The following ADGRF5 variants were observed in gnomAD, a reference collection of about 807,000 sequenced individuals.
The protein encoded by ADGRF5 is G-protein coupled receptor 116.
A neutral mutation model predicts 132.3 loss-of-function variants in ADGRF5; 75 were observed. The observed-to-expected ratio is 0.57, with a 90% CI of 0.47 to 0.69. ADGRF5 has a LOEUF of 0.69. Ranked by LOEUF, ADGRF5 falls within the 30% of genes least tolerant of loss-of-function variation. ADGRF5 has a pLI of 0.00. For synonymous variants in ADGRF5, 629 were observed against 597.6 expected (o/e 1.05, Z -0.77); for missense variants, 1,516 against 1,630.6 (o/e 0.93, Z 1.21).
intron 3 of ADGRF5, among the ~76,000 whole-genome samples, chr6:46,891,122 G>A (rs1010916252): frequency 2.0e-5 from 3 of 152,194 alleles, no homozygotes; most frequent in Non-Finnish European, 4.4e-5. Context: ...AATTAAGAGT[G>A]AATATTAAGG....
At chr6:46,855,812 G>A (rs566197420) in intron 20 of ADGRF5, among the ~76,000 whole-genome samples, 162 bp downstream of exon 20, 29 of 152,164 alleles carry the variant, frequency 1.9e-4, no homozygotes, top group South Asian at 1.0e-3. Context: ...CCCACTTTTT[G>A]GTGATTTGTG....
chr6:46,935,380 T>A (rs918770119), intron 1 of ADGRF5, among the ~76,000 whole-genome samples: 4 of 152,176 alleles, frequency 2.6e-5, no homozygotes, highest in Non-Finnish European at 4.4e-5. Context: ...CCTTGTTGCC[T>A]GCACTTGAGG....
chr6:46,875,537 C>A (rs1378718545), intron 10 of ADGRF5, among the ~76,000 whole-genome samples: 1 of 152,090 alleles, frequency 6.6e-6, no homozygotes, highest in Non-Finnish European at 1.5e-5. Flanking sequence ...GTAATCCCAG[C>A]ACTTTGGGAG....
chr6:46,944,198 G>A (rs9296516), intron 1 of ADGRF5, among the ~76,000 whole-genome samples: 21,573 of 152,156 alleles, frequency 0.14, 1,786 homozygotes, highest in Admixed American at 0.22. Flanking sequence ...GGATAAAACC[G>A]TTCAGATCAT....
intron 11 of ADGRF5, chr6:46,870,938 T>C (rs964421216): frequency 1.5e-5 from 5 of 328,164 alleles, no homozygotes; most frequent in African/African-American, 8.9e-5. Flanking sequence ...AAACTAGGAA[T>C]GCAAAACTGT....
At chr6:46,950,819 G>A (rs1778470780) in intron 1 of ADGRF5, among the ~76,000 whole-genome samples, 1 of 152,136 alleles carries the variant, frequency 6.6e-6, no homozygotes, top group Non-Finnish European at 1.5e-5. Flanking sequence ...GGCTGACTTG[G>A]TGTTTTTTTA....
chr6:46,948,639 G>A (rs1778387103), intron 1 of ADGRF5, among the ~76,000 whole-genome samples: 2 of 152,122 alleles, frequency 1.3e-5, no homozygotes, highest in South Asian at 4.1e-4. Flanking sequence ...GCTGTCTCAG[G>A]TCTAGACCAG....
intron 4 of ADGRF5, among the ~76,000 whole-genome samples, chr6:46,885,030 T>C (rs1772905128): frequency 6.6e-6 from 1 of 152,110 alleles, no homozygotes; most frequent in East Asian, 1.9e-4. Flanking sequence ...TGCAAAACCC[T>C]ATCCTACAAA....
At chr6:46,919,480 A>AAGG (rs1776709759) in intron 1 of ADGRF5, among the ~76,000 whole-genome samples, 1 of 152,200 alleles carries the variant, frequency 6.6e-6, no homozygotes, top group Non-Finnish European at 1.5e-5. Context: ...TTAGGAGGAG[A>AAGG]CAGATTAGCC....
At chr6:46,925,390 A>G (rs965360717), upstream of ADGRF5, among the ~76,000 whole-genome samples, 4 of 152,108 alleles carry the variant, frequency 2.6e-5, no homozygotes, top group Non-Finnish European at 4.4e-5. Context: ...TTAGTTTTCC[A>G]TATCATCTCT....
intron 1 of ADGRF5, among the ~76,000 whole-genome samples, chr6:46,937,779 A>G (rs1276372842): frequency 1.3e-5 from 2 of 152,192 alleles, no homozygotes; most frequent in Non-Finnish European, 2.9e-5. Flanking sequence ...TGCAATACAT[A>G]TCTTGACAGT....
At chr6:46,937,221 A>AGTGTGTGTGT (rs10558166) in intron 1 of ADGRF5, among the ~76,000 whole-genome samples, 6,216 of 146,724 alleles carry the variant, frequency 0.042, 186 homozygotes, top group African/African-American at 0.076. Context: ...GGCAATAAGG[A>AGTGTGTGTGT]GTGTGTGTGT....
Position 46,945,418 on chromosome 6 carries a change from T to C in ADGRF5, c.-25+9316A>G, listed in dbSNP as rs115308088. Reference sequence around the variant, plus strand: ...AAGAGATAAATCACTTAAGTGACACTTTTGCGTTCCTAACTCTACATGAAA... The same window carrying C: ...AAGAGATAAATCACTTAAGTGACACCTTTGCGTTCCTAACTCTACATGAAA... On this transcript the variant is annotated intron_variant, in intron 1 of 20. Coordinates refer to the ADGRF5 transcript ENST00000265417. 8.6e-3 allele frequency among the ~76,000 whole-genome samples: 1,311 copies of C among 152,314 alleles called. 24 individuals carry two copies. Among genetic ancestry groups the C allele is most frequent in the African/African-American group, 0.029 (1,187 of 41,568 alleles).
intron 16 of ADGRF5, among the ~76,000 whole-genome samples, chr6:46,859,963 T>C (rs1312932058): frequency 1.3e-5 from 2 of 152,098 alleles, no homozygotes; most frequent in Non-Finnish European, 2.9e-5. Flanking sequence ...ATGCCTGTAA[T>C]CCCAGCTACT....
chr6:46,921,098 C>T (rs558088505), intron 1 of ADGRF5, among the ~76,000 whole-genome samples: 9 of 152,208 alleles, frequency 5.9e-5, no homozygotes, highest in Admixed American at 1.3e-4. Flanking sequence ...AACAAGTCGG[C>T]CTGGCCCTGA....
intron 1 of ADGRF5, among the ~76,000 whole-genome samples, chr6:46,930,098 G>A (rs113338651): frequency 2.3e-3 from 347 of 151,942 alleles, no homozygotes; most frequent in African/African-American, 7.8e-3. Context: ...TGGGATTACA[G>A]GCGTGAGCCA....
At chr6:46,911,832 C>T (rs899426813) in intron 1 of ADGRF5, among the ~76,000 whole-genome samples, 3 of 152,070 alleles carry the variant, frequency 2.0e-5, no homozygotes, top group African/African-American at 4.8e-5. Context: ...ACAACGGTCC[C>T]TGTCTCCATG....
chr6:46,864,804 G>A (rs1303566816), intron 14 of ADGRF5, among the ~76,000 whole-genome samples: 1 of 152,140 alleles, frequency 6.6e-6, no homozygotes, highest in Non-Finnish European at 1.5e-5. Flanking sequence ...GATTATAGGC[G>A]TGAGCCACCG....
intron 1 of ADGRF5, among the ~76,000 whole-genome samples, chr6:46,952,916 G>C (rs1778554530): frequency 6.6e-6 from 1 of 152,210 alleles, no homozygotes; most frequent in African/African-American, 2.4e-5. Flanking sequence ...AAGATGGATG[G>C]AGGGGAATGA....
Sources: gnomAD v4.1 joint callset for allele counts (sites outside exome capture counted in the v4.1 genomes callset) on GRCh38, gnomAD v4.1.1 for gene constraint, MANE v1.5 for transcripts, NCBI Gene and HGNC (gene_info 2026-07-23, HGNC 2026-07-21) for gene names.